The following LMTK3 variants were observed in gnomAD, a reference collection of about 807,000 sequenced individuals.
LMTK3 encodes the protein serine/threonine-protein kinase LMTK3.
LMTK3 carries 27 observed loss-of-function variants against 116.7 expected under a neutral mutation model. That is an observed-to-expected ratio of 0.23 (90% confidence interval 0.17 to 0.32). The LOEUF (loss-of-function observed/expected upper bound fraction) is 0.32. Ranked by LOEUF, LMTK3 falls within the 10% of genes least tolerant of loss-of-function variation. LMTK3 has a pLI of 1.00. For synonymous variants in LMTK3, 965 were observed against 971.0 expected (o/e 0.99, Z 0.11); for missense variants, 1,764 against 2,068.5 (o/e 0.85, Z 2.86).
chr19:48,507,965 T>A (rs1193877783), intron 5 of LMTK3, among the ~76,000 whole-genome samples: 1 of 151,994 alleles, frequency 6.6e-6, no homozygotes, highest in Non-Finnish European at 1.5e-5. Flanking sequence ...AGGGAAGATG[T>A]CTCTGAGCTG....
Position 48,502,575 on chromosome 19 carries a change from G to C in LMTK3, c.652C>G (p.Leu218Val). ...CGCTGGGCTCGGAGGTAACGCTTCA[G>C]GTCCCCCTGGGAGGGAGGCAAAGAA... ...LIMEFCQLGD[L>V]KRYLRAQRPP... The change falls in exon 7 of 15, where the codon CTG (leucine) becomes GTG (valine). Residue 218 changes from leucine to valine, a missense_variant. Coordinates refer to ENST00000600059, the MANE Select transcript of LMTK3 (RefSeq NM_001388485.1). 5 of 1,555,670 alleles carry C rather than the reference G, an allele frequency of 3.2e-6. No individual in the cohort carries two copies. The highest frequency in any genetic ancestry group is 4.3e-6 in the Non-Finnish European group (5 of 1,153,330).
In LMTK3 at chr19:48,498,371, C is replaced by A. The variant is rs1643478; in HGVS notation, c.2698G>T (p.Val900Phe). 9 of 1,612,860 alleles carry A rather than the reference C, an allele frequency of 5.6e-6. No homozygotes were observed. In the South Asian group the frequency reaches 9.9e-5, roughly 18 times the overall value. Residue 900 changes from valine to phenylalanine, a missense_variant, in exon 11 of 15, where the codon GTC (valine) becomes TTC (phenylalanine). By Grantham distance (50) the Val-to-Phe change is conservative. Around this residue, in one of 7 missense-constraint regions of LMTK3, gnomAD observed 1,028 missense variants for 1,050.6 expected, o/e 0.98. Coordinates refer to ENST00000600059, the MANE Select transcript of LMTK3 (RefSeq NM_001388485.1). ...AGRGPGNREK[V>F]PGLNRDPTVL... is the part of the protein sequence containing the mutation. ...GTCGGGTCCCTGTTCAGGCCCGGGA[C>A]TTTCTCTCTGTTCCCGGGGCCTCTC...
chr19:48,490,883 C>T (rs1317002392), intron 14 of LMTK3, among the ~76,000 whole-genome samples: 1 of 152,074 alleles, frequency 6.6e-6, no homozygotes, highest in Non-Finnish European at 1.5e-5. Flanking sequence ...AACTGAGGCT[C>T]GGGGGTTGGG....
rs919008447 is a variant in LMTK3 at position 48,491,312 on chromosome 19, C to A, written c.4229-67G>T. On this transcript the variant is annotated intron_variant, in intron 13 of 14. Transcript: ENST00000600059. The surrounding 1 kb of genome is among the most constrained non-coding windows in gnomAD (Gnocchi z 5.1). ...GCGGCACTCCCGCCCTCTGGTCCCG[C>A]CCCTCCCGACCAAGCCCCTCCCACC... 5.2e-6 allele frequency: 7 copies of A among 1,341,632 alleles called. No individual in the cohort carries two copies. The highest frequency in any genetic ancestry group is 8.1e-5 in the Admixed American group (2 of 24,688). 83.1% of individuals were successfully genotyped at this position (1,341,632 alleles called of 1,614,324 possible).
Position 48,511,615 on chromosome 19 carries a change from T to TGGGGTGGTGGGGGGGGGGGGG in LMTK3, c.-40_-39insCCCCCCCCCCCCCACCACCCC. The TGGGGTGGTGGGGGGGGGGGGG allele has an allele frequency of 9.5e-6, 1 of 105,644 alleles. No individual in the cohort carries two copies. The highest frequency in any genetic ancestry group is 1.7e-5 in the Non-Finnish European group (1 of 58,340). The allele number at this position is 105,644 out of a possible 1,614,324, so 6.5% of individuals were successfully genotyped here. ...GCAGGGAGGTGGAGGTGGTGGCGGC[T>TGGGGTGGTGGGGGGGGGGGGG]GGGGAGGAGGGGGGGGCGGGCCCTC... is the stretch of plus-strand genomic sequence containing the variant. On this transcript the variant is annotated 5_prime_UTR_variant, in exon 1 of 15. Transcript: ENST00000600059.
rs1191036448 is a variant in LMTK3, at chr19:48,498,731, C to A, written c.2338G>T (p.Gly780Cys). 2 of 1,439,402 alleles carry A rather than the reference C, an allele frequency of 1.4e-6. No homozygotes were observed. Among genetic ancestry groups the A allele is most frequent in the East Asian group, 3.0e-5 (1 of 32,828 alleles). The allele number at this position is 1,439,402 out of a possible 1,614,324, so 89.2% of individuals were successfully genotyped here. A position where few individuals can be genotyped will look rare whatever the true frequency, so the allele number is the denominator to read the frequency against. Residue 780 changes from glycine to cysteine, a missense_variant, in exon 11 of 15, where the codon GGT becomes TGT. Transcript: ENST00000600059. ...GGGCCCGGCGACGAGAGGCCTGAAC[C>A]GGGACTGGCCACGGCCGAAGGGGGG... ...PDPPSAVASPGSGLSSPGPKP... is the reference protein window; with the variant it reads ...PDPPSAVASPCSGLSSPGPKP...
In LMTK3 at chr19:48,485,724, A is replaced by C. The variant is rs974157655; in HGVS notation, c.*49T>G. The C allele has an allele frequency of 6.9e-6, 11 of 1,597,058 alleles. No individual in the cohort carries two copies. The highest frequency in any genetic ancestry group is 9.4e-6 in the Non-Finnish European group (11 of 1,170,764). On this transcript the variant is annotated 3_prime_UTR_variant, in exon 15 of 15. Coordinates refer to ENST00000600059, the MANE Select transcript of LMTK3 (RefSeq NM_001388485.1). ...GGCGCCGTCATCCACAGAGGATTCC[A>C]TTCTCAACCCCTCTTCTGAGGGTGC...
At position 48,491,309 on chromosome 19, in the gene LMTK3, C is replaced by T; in HGVS notation, c.4229-64G>A. 2 of 1,343,206 alleles carry T rather than the reference C, an allele frequency of 1.5e-6. No homozygotes were observed. The highest frequency in any genetic ancestry group is 1.9e-6 in the Non-Finnish European group (2 of 1,044,506). 83.2% of individuals were successfully genotyped at this position (1,343,206 alleles called of 1,614,324 possible). ...CCTGCGGCACTCCCGCCCTCTGGTC[C>T]CGCCCCTCCCGACCAAGCCCCTCCC... On this transcript the variant is annotated intron_variant, in intron 13 of 14. Coordinates refer to ENST00000600059, the MANE Select transcript of LMTK3 (RefSeq NM_001388485.1). The surrounding 1 kb of genome is among the most constrained non-coding windows in gnomAD (Gnocchi z 5.1).
At chr19:48,492,912 T>C (rs1424878544) in intron 12 of LMTK3, among the ~76,000 whole-genome samples, 1 of 137,224 alleles carries the variant, frequency 7.3e-6, no homozygotes, top group Non-Finnish European at 1.6e-5. Context: ...GCTCGGCCCA[T>C]ACTCCTGGCC....
chr19:48,487,313 G>A (rs186140109), intron 14 of LMTK3, among the ~76,000 whole-genome samples: 383 of 152,220 alleles, frequency 2.5e-3, no homozygotes, highest in Non-Finnish European at 4.8e-3. Context: ...GATTACAAGT[G>A]TGAGCCACGC....
chr19:48,485,597 C>T lies in LMTK3; in HGVS notation c.*176G>A, dbSNP rs892447092. On this transcript the variant is annotated 3_prime_UTR_variant, in exon 15 of 15. Coordinates refer to ENST00000600059, the MANE Select transcript of LMTK3 (RefSeq NM_001388485.1). The stretch of plus-strand genomic sequence containing the variant: ...GGGAGCCATCTGGGGGGCTGGGGGG[C>T]GGGGGCCCGGGGCCTCCCGTTTGGC... 1.3e-5 allele frequency: 6 copies of T among 478,392 alleles called. No homozygotes were observed. Among genetic ancestry groups the T allele is most frequent in the African/African-American group, 7.6e-5 (1 of 13,160 alleles). 29.6% of individuals were successfully genotyped at this position (478,392 alleles called of 1,614,324 possible).
At chr19:48,493,661 G>C (rs1429624280) in intron 12 of LMTK3, 33 bp downstream of exon 12, 5 of 1,537,604 alleles carry the variant, frequency 3.3e-6, no homozygotes, top group African/African-American at 2.8e-5. Context: ...TCCAGGCCGC[G>C]ACCCCGAAAC....
intron 9 of LMTK3, 42 bp downstream of exon 9, chr19:48,501,241 C>T (rs1476084479): frequency 6.2e-7 from 1 of 1,609,500 alleles, no homozygotes; most frequent in East Asian, 2.2e-5. Context: ...AACCCTTCCA[C>T]CTTCCTGGCC....
Position 48,493,777 on chromosome 19 carries a change from C to T in LMTK3, c.4009G>A (p.Asp1337Asn). ...TCCAGCTCGCTGTCCTCTGGCTCGT[C>T]GGCCCCGCGCGGAGACTTGAGCAGC... ...RGLLKSPRGA[D>N]EPEDSELERK... The change falls in exon 12 of 15, where the codon GAC becomes AAC. Residue 1337 changes from aspartate (D) to asparagine (N), a missense_variant. Transcript: ENST00000600059. The T allele has an allele frequency of 3.9e-6, 6 of 1,540,394 alleles. No individual in the cohort carries two copies. The highest frequency in any genetic ancestry group is 5.2e-6 in the Non-Finnish European group (6 of 1,144,048).
In LMTK3 at chr19:48,498,752, G is replaced by C. The variant is rs1412988491; in HGVS notation, c.2317C>G (p.Pro773Ala). Reference sequence around the variant, plus strand: ...GAACCGGGACTGGCCACGGCCGAAGGGGGGTCGGGGGACGCGGCCGGGTCC... The same window carrying C: ...GAACCGGGACTGGCCACGGCCGAAGCGGGGTCGGGGGACGCGGCCGGGTCC... ...PADPAASPDPPSAVASPGSGL... is the reference protein window; with the variant it reads ...PADPAASPDPASAVASPGSGL... Residue 773 changes from proline to alanine, a missense_variant, in exon 11 of 15, where the codon CCT (proline) becomes GCT (alanine). Around this residue, in one of 7 missense-constraint regions of LMTK3, gnomAD observed 1,028 missense variants for 1,050.6 expected, o/e 0.98. Coordinates refer to ENST00000600059, the MANE Select transcript of LMTK3 (RefSeq NM_001388485.1). The C allele has an allele frequency of 1.3e-6, 2 of 1,507,652 alleles. No homozygotes were observed. The highest frequency in any genetic ancestry group is 2.1e-4 in the Middle Eastern group (1 of 4,690). The allele number at this position is 1,507,652 out of a possible 1,614,324, so 93.4% of individuals were successfully genotyped here.
intron 11 of LMTK3, among the ~76,000 whole-genome samples, chr19:48,496,456 G>T (rs1225100616): frequency 1.3e-5 from 2 of 152,084 alleles, no homozygotes; most frequent in African/African-American, 4.8e-5. Flanking sequence ...CTACCATAAA[G>T]CCTGGCTAAT....
At chr19:48,510,302 C>A in intron 2 of LMTK3, 129 bp from the exon 3 acceptor site, 2 of 1,397,264 alleles carry the variant, frequency 1.4e-6, no homozygotes, top group East Asian at 2.5e-5. Context: ...TTTCCATCCC[C>A]CATTTCCCCA....
upstream of LMTK3, chr19:48,513,227 A>G: frequency 6.9e-7 from 1 of 1,448,990 alleles, no homozygotes. The surrounding 1 kb of genome is among the most constrained non-coding windows in gnomAD (Gnocchi z 5.6). Flanking sequence ...TAATGTATTT[A>G]TTCTTATGAG....
At position 48,491,021 on chromosome 19, in the gene LMTK3, C is replaced by T; in HGVS notation, c.4366+87G>A. The T allele has an allele frequency of 2.4e-6, 2 of 827,812 alleles. No homozygotes were observed. Among genetic ancestry groups the T allele is most frequent in the Non-Finnish European group, 3.3e-6 (2 of 607,214 alleles). 51.3% of individuals were successfully genotyped at this position (827,812 alleles called of 1,614,324 possible). Reference sequence around the variant, plus strand: ...GAGACTGGGAAGAGAGAGGCAGGGACATTGAAAGATGGTCACAAGAAGTTG... The same window carrying T: ...GAGACTGGGAAGAGAGAGGCAGGGATATTGAAAGATGGTCACAAGAAGTTG... On this transcript the variant is annotated intron_variant, in intron 14 of 14. Coordinates refer to ENST00000600059, the MANE Select transcript of LMTK3 (RefSeq NM_001388485.1). This position sits in a 1 kb window ranked among gnomAD's most constrained non-coding sequence, Gnocchi z 5.1.
Sources: gnomAD v4.1 joint callset for allele counts (sites outside exome capture counted in the v4.1 genomes callset) on GRCh38, gnomAD v4.1.1 for gene constraint, gnomAD v4.1.1 regional missense constraint, Gnocchi (gnomAD v3.1) non-coding constraint, MANE v1.5 for transcripts, NCBI Gene and HGNC (gene_info 2026-07-23, HGNC 2026-07-21) for gene names.